NAA38: variants seen among roughly 807,000 people sequenced by gnomAD.
The protein encoded by NAA38 is LSM domain containing 1.
A neutral mutation model predicts 12.6 loss-of-function variants in NAA38; 15 were observed. The ratio of observed to expected loss-of-function variants is 1.19; its 90% CI spans 0.79 to 1.83. The LOEUF is 1.83. NAA38 is among the 40% of genes most tolerant of loss of function. NAA38 has a pLI of 0.00. For synonymous variants in NAA38, 88 were observed against 69.9 expected, an observed-to-expected ratio of 1.26 and a Z score of -1.29; for missense variants, 183 against 171.7, an observed-to-expected ratio of 1.07 and a Z score of -0.37.
chr17:7,856,786 T>G lies in NAA38; in HGVS notation c.323A>C (p.His108Pro). Residue 108 changes from histidine (H) to proline (P), a missense_variant, in exon 3 of 3, where the codon CAC becomes CCC. Coordinates refer to ENST00000575771, the MANE Select transcript of NAA38 (RefSeq NM_001320925.4). ...VLGLAMVPGH[H>P]IVSIEVQRES... is the part of the protein sequence containing the mutation. ...CCTCTGCACCTCAATGGAAACGATG[T>G]GGTGTCCGGGTACCATGGCCAGGCC... is the stretch of plus-strand genomic sequence containing the variant. 6.2e-7 allele frequency: 1 copy of G among 1,613,972 alleles called. No individual in the cohort carries two copies. Among genetic ancestry groups the G allele is most frequent in the Non-Finnish European group, 8.5e-7 (1 of 1,180,014 alleles).
chr17:7,856,869 G>GA (rs1567810858), intron 2 of NAA38, 26 bp from the exon 3 acceptor site: 2 of 1,611,222 alleles, frequency 1.2e-6, no homozygotes, highest in Non-Finnish European at 1.7e-6. Flanking sequence ...AGAGCATCAG[G>GA]AAAGTAGGCC....
At chr17:7,875,550 G>C (rs1219644726) in intron 2 of NAA38, among the ~76,000 whole-genome samples, 2 of 152,146 alleles carry the variant, frequency 1.3e-5, no homozygotes, top group African/African-American at 2.4e-5. Flanking sequence ...GCTCAGGCTG[G>C]TCTTAAACTC....
chr17:7,865,762 G>T (rs1214734853), intron 3 of NAA38: 1 of 152,222 alleles, frequency 6.6e-6, no homozygotes, highest in African/African-American at 2.4e-5. Context: ...GAGATGCACT[G>T]GAGGTAAAAG....
exon 2 of NAA38, chr17:7,883,307 T>C (rs1656214523): frequency 2.6e-5 from 4 of 152,170 alleles, no homozygotes; most frequent in Admixed American, 2.6e-4. Context: ...TCGGATAGTG[T>C]TGGAGATCAT....
intron 2 of NAA38, among the ~76,000 whole-genome samples, chr17:7,872,343 CT>C (rs1967100416): frequency 6.6e-6 from 1 of 152,072 alleles, no homozygotes; most frequent in African/African-American, 2.4e-5. Context: ...ATTTTTTGGT[CT>C]TGCTGAATTG....
In NAA38 at chr17:7,875,988, G is replaced by A. The variant is rs1299756509; in HGVS notation, c.-66+7247C>T. Among the ~76,000 whole-genome samples the A allele has an allele frequency of 4.6e-5, 7 of 151,988 alleles. No individual in the cohort carries two copies. In the South Asian group the frequency reaches 1.5e-3, roughly 32 times the overall value. ...GTATCAGTATTCCATTCCTTTTTAC[G>A]GCTGAATAATATTCCATTGTATGGA... On this transcript the variant is annotated intron_variant, in intron 2 of 4. Transcript: ENST00000576861.
intron 2 of NAA38, among the ~76,000 whole-genome samples, chr17:7,875,062 GGT>G (rs767594213): frequency 2.7e-4 from 41 of 151,780 alleles, no homozygotes; most frequent in Non-Finnish European, 5.2e-4. Context: ...CGGTTGTGGT[GGT>G]GTGTGCCTGT....
intron 1 of NAA38, among the ~76,000 whole-genome samples, chr17:7,883,868 TG>T (rs1967379314): frequency 6.7e-6 from 1 of 148,252 alleles, no homozygotes; most frequent in Non-Finnish European, 1.5e-5. Context: ...AGAAGGGAGG[TG>T]GGGAGGAAGA....
Position 7,857,005 on chromosome 17 carries a change from G to C in NAA38, c.265+10C>G, listed in dbSNP as rs866477155. On this transcript the variant is annotated intron_variant, in intron 2 of 2. Transcript: ENST00000575771. ...ATTACCAGGCGGGTGTGCATTCCCC[G>C]GGCACTGACCCGACGGCTTGAGGAA... The C allele has an allele frequency of 2.5e-6, 4 of 1,599,738 alleles. No homozygotes were observed. Among genetic ancestry groups the C allele is most frequent in the East Asian group, 2.2e-5 (1 of 44,560 alleles).
At chr17:7,859,526 G>A, upstream of NAA38, 1 of 1,614,188 alleles carries the variant, frequency 6.2e-7, no homozygotes, top group Non-Finnish European at 8.5e-7. Context: ...GGATGAGGAG[G>A]AAGAATTTGA....
upstream of NAA38, chr17:7,857,920 CTCATACTACGTTTCCCG>C: frequency 7.0e-7 from 1 of 1,422,584 alleles, no homozygotes; most frequent in South Asian, 1.5e-5. Flanking sequence ...CCACGCGGGA[CTCATACTACGTTTCCCG>C]TGAACACGTG....
upstream of NAA38, chr17:7,861,336 G>A (rs368717326): frequency 1.1e-4 from 17 of 152,106 alleles, no homozygotes; most frequent in East Asian, 1.9e-4. Context: ...TGTTGGCTTC[G>A]GCAGTATCTG....
At chr17:7,858,389 C>T, upstream of NAA38, 2 of 1,614,094 alleles carry the variant, frequency 1.2e-6, no homozygotes, top group South Asian at 2.2e-5. Context: ...AGTGGCTGTG[C>T]TGCTCTTTTC....
intron 2 of NAA38, among the ~76,000 whole-genome samples, chr17:7,875,934 G>C (rs937914526): frequency 6.6e-6 from 1 of 152,122 alleles, no homozygotes; most frequent in Admixed American, 6.5e-5. Flanking sequence ...TTAGCATAAT[G>C]TTTTCAAAGT....
At chr17:7,859,678 G>C, upstream of NAA38, 4 of 1,504,354 alleles carry the variant, frequency 2.7e-6, no homozygotes, top group Non-Finnish European at 2.8e-6. Context: ...TGTGCCTTGA[G>C]GAAAAGTGGT....
At chr17:7,872,960 G>C (rs1308983335) in intron 2 of NAA38, among the ~76,000 whole-genome samples, 11 of 152,138 alleles carry the variant, frequency 7.2e-5, no homozygotes, top group Admixed American at 7.2e-4. Flanking sequence ...AAAGATAAAG[G>C]ATAATATGGT....
chr17:7,884,919 C>A, intron 1 of NAA38: 1 of 1,398,002 alleles, frequency 7.2e-7, no homozygotes, highest in Non-Finnish European at 9.4e-7. Context: ...GAGGTGGAGG[C>A]GGCCGACGAG....
At chr17:7,880,211 G>C (rs1022858400) in intron 2 of NAA38, among the ~76,000 whole-genome samples, 2 of 152,080 alleles carry the variant, frequency 1.3e-5, no homozygotes, top group Non-Finnish European at 2.9e-5. Context: ...AGACAGAAGA[G>C]AGGGGAGAGG....
upstream of NAA38, chr17:7,857,858 A>C (rs1008573695): frequency 3.6e-6 from 5 of 1,377,272 alleles, no homozygotes; most frequent in African/African-American, 7.3e-5. Context: ...TCTCTGCCCC[A>C]CCCCGCAACT....
Sources: allele counts gnomAD v4.1 joint callset (sites outside exome capture counted in the v4.1 genomes callset), GRCh38; gene constraint gnomAD v4.1.1; transcripts MANE v1.5; gene names NCBI Gene and HGNC (gene_info 2026-07-23, HGNC 2026-07-21).